DGKD: variants seen among roughly 807,000 people sequenced by gnomAD.
DGKD encodes the protein DAG kinase delta.
Under a neutral mutation model 154.4 loss-of-function variants are expected in DGKD, and 68 were observed. That is an observed-to-expected ratio of 0.44 (90% CI 0.36 to 0.54). The LOEUF is 0.54. DGKD is among the 20% of genes least tolerant of loss of function. The pLI, the probability that DGKD is intolerant of heterozygous loss-of-function variation, is 0.00. For synonymous variants in DGKD, 693 were observed against 638.0 expected, an observed-to-expected ratio of 1.09 and a Z score of -1.30; for missense variants, 1,343 against 1,593.6, an observed-to-expected ratio of 0.84 and a Z score of 2.68.
At chr2:233,404,225 A>T (rs910933065) in intron 3 of DGKD, among the ~76,000 whole-genome samples, 2 of 152,152 alleles carry the variant, frequency 1.3e-5, no homozygotes, top group African/African-American at 4.8e-5. Context: ...ATGGTGGCAG[A>T]TATTTCATTG....
intron 1 of DGKD, among the ~76,000 whole-genome samples, chr2:233,387,363 G>A (rs1033710738): frequency 2.0e-5 from 3 of 152,166 alleles, no homozygotes; most frequent in African/African-American, 4.8e-5. Context: ...GGGCATTTCC[G>A]TGAGGTGGGA....
intron 3 of DGKD, among the ~76,000 whole-genome samples, chr2:233,418,998 G>C (rs2062033028): frequency 6.6e-6 from 1 of 152,146 alleles, no homozygotes; most frequent in African/African-American, 2.4e-5. Context: ...TGTTGTCTAC[G>C]CACATCCCAG....
chr2:233,385,897 T>C (rs1158051229), intron 1 of DGKD: 7 of 405,292 alleles, frequency 1.7e-5, no homozygotes, highest in South Asian at 1.2e-4. Flanking sequence ...CCCACCAGTC[T>C]TTTTCTGAGC....
At chr2:233,411,857 G>A (rs935309086) in intron 3 of DGKD, among the ~76,000 whole-genome samples, 1 of 152,138 alleles carries the variant, frequency 6.6e-6, no homozygotes, top group East Asian at 1.9e-4. Context: ...TTGAGGCAGC[G>A]TTTATTGAAG....
chr2:233,361,572 G>A (rs768968003), intron 1 of DGKD, among the ~76,000 whole-genome samples: 3 of 152,180 alleles, frequency 2.0e-5, no homozygotes, highest in Non-Finnish European at 4.4e-5. Context: ...TATAACAACT[G>A]TGCTCGTTGT....
intron 1 of DGKD, among the ~76,000 whole-genome samples, chr2:233,378,051 C>T (rs1266948286): frequency 6.6e-6 from 1 of 151,954 alleles, no homozygotes; most frequent in Non-Finnish European, 1.5e-5. Flanking sequence ...AAGTGATCCT[C>T]TCACCTCAGC....
intron 3 of DGKD, among the ~76,000 whole-genome samples, chr2:233,393,226 C>T (rs1703755213): frequency 6.6e-6 from 1 of 152,008 alleles, no homozygotes. Flanking sequence ...CGGGGTTTCG[C>T]CATGTTGGCC....
intron 1 of DGKD, among the ~76,000 whole-genome samples, chr2:233,381,541 T>A (rs113351186): frequency 3.7e-4 from 56 of 152,216 alleles, no homozygotes; most frequent in Non-Finnish European, 1.3e-4. Context: ...ACCACCACTT[T>A]CAAAATTGGT....
rs61752229 is a variant in DGKD, at chr2:233,459,822, C to T, written c.2760C>T (p.Ala920=). ...TGCCTGTGCAGGTGGACGGAGAGGC[C>T]TGGGTCCAGCCGCCAGGGTACATTC... is the stretch of plus-strand genomic sequence containing the variant. The part of the protein sequence containing the change: ...EGVPVQVDGE[A]WVQPPGYIRI... Residue 920 remains alanine (A), a synonymous_variant, in exon 23 of 30, where the codon GCC becomes GCT. Transcript: ENST00000264057. The surrounding 1 kb of genome is among the most constrained non-coding windows in gnomAD (Gnocchi z 5.7). 2.9e-3 allele frequency: 4,724 copies of T among 1,614,080 alleles called. 12 individuals carry two copies. The highest frequency in any genetic ancestry group is 3.8e-3 in the Admixed American group (227 of 60,014).
intron 19 of DGKD, among the ~76,000 whole-genome samples, chr2:233,455,269 C>G (rs887507000): frequency 2.6e-5 from 4 of 152,220 alleles, no homozygotes; most frequent in African/African-American, 9.6e-5. Context: ...TGGCCCTCCC[C>G]CATCACACCC....
rs1312347513 is a variant in DGKD at position 233,455,920 on chromosome 2, T to C, written c.2376-979T>C. The stretch of plus-strand genomic sequence containing the variant: ...CAGGGGCCCCAGGGACATATCCCTG[T>C]ACAGCACAGGATGGTAACGTCAGAT... On this transcript the variant is annotated intron_variant, in intron 19 of 29. Transcript: ENST00000264057. Among the ~76,000 whole-genome samples the C allele has an allele frequency of 2.0e-5, 3 of 152,246 alleles. 1 individual carries two copies. The highest frequency in any genetic ancestry group is 2.9e-5 in the Non-Finnish European group (2 of 68,044).
intron 16 of DGKD, among the ~76,000 whole-genome samples, chr2:233,450,500 T>C (rs1050638699): frequency 9.9e-5 from 15 of 152,064 alleles, no homozygotes; most frequent in Admixed American, 5.2e-4. Context: ...GCGTGGGCCT[T>C]CTTTGTCCTT....
intron 3 of DGKD, among the ~76,000 whole-genome samples, chr2:233,400,655 G>C (rs2061537227): frequency 6.7e-6 from 1 of 150,328 alleles, no homozygotes; most frequent in Non-Finnish European, 1.5e-5. Flanking sequence ...TCCCTCAGTG[G>C]GTGGTGGAGT....
intron 1 of DGKD, among the ~76,000 whole-genome samples, chr2:233,381,049 T>C (rs1266668008): frequency 1.3e-5 from 2 of 151,960 alleles, no homozygotes; most frequent in African/African-American, 2.4e-5. Context: ...TGTTTTGGAG[T>C]CTTCAGAAAA....
At chr2:233,361,631 A>T (rs1701785612) in intron 1 of DGKD, among the ~76,000 whole-genome samples, 1 of 152,170 alleles carries the variant, frequency 6.6e-6, no homozygotes, top group South Asian at 2.1e-4. Flanking sequence ...GAGAACTAGA[A>T]ACTATGGAAA....
Position 233,449,493 on chromosome 2 carries a change from C to T in DGKD, c.1888+117C>T, listed in dbSNP as rs1378639504. 3 of 1,375,144 alleles carry T rather than the reference C, an allele frequency of 2.2e-6. No individual in the cohort carries two copies. The highest frequency in any genetic ancestry group is 2.9e-6 in the Non-Finnish European group (3 of 1,037,000). 85.2% of individuals were successfully genotyped at this position (1,375,144 alleles called of 1,614,324 possible). ...TGTTGAGAAAACCTCCACTGCGGCC[C>T]TCTCCACCCATGTCCAGGCACCAGA... On this transcript the variant is annotated intron_variant, in intron 15 of 29. Transcript: ENST00000264057. This position sits in a 1 kb window ranked among gnomAD's most constrained non-coding sequence, Gnocchi z 5.3.
chr2:233,448,837 A>G (rs1252310789), intron 14 of DGKD, among the ~76,000 whole-genome samples: 1 of 152,202 alleles, frequency 6.6e-6, no homozygotes, highest in African/African-American at 2.4e-5. Flanking sequence ...ACAAAGTTGC[A>G]TTTCTATGCA....
intron 1 of DGKD, among the ~76,000 whole-genome samples, chr2:233,362,241 TAAA>T (rs1409256371): frequency 6.6e-6 from 1 of 152,010 alleles, no homozygotes; most frequent in East Asian, 1.9e-4. Flanking sequence ...CCTGGAGACA[TAAA>T]AAATGGAAAA....
chr2:233,448,514 A>G (rs2063158933), intron 14 of DGKD, 139 bp downstream of exon 14: 2 of 734,136 alleles, frequency 2.7e-6, no homozygotes, highest in Non-Finnish European at 4.5e-6. Flanking sequence ...ACAGTAAAGG[A>G]AGACAAGAAT....
Sources: gnomAD v4.1 joint callset for allele counts (sites outside exome capture counted in the v4.1 genomes callset) on GRCh38, gnomAD v4.1.1 for gene constraint, Gnocchi (gnomAD v3.1) non-coding constraint, MANE v1.5 for transcripts, NCBI Gene and HGNC (gene_info 2026-07-23, HGNC 2026-07-21) for gene names.